Variants in GALC observed in about 807,000 individuals in gnomAD.
GALC encodes galactosylceramidase.
In GALC, 77 loss-of-function variants were observed where a neutral mutation model predicts 91.8. The ratio of observed to expected loss-of-function variants is 0.84; its 90% CI spans 0.70 to 1.01. The LOEUF (loss-of-function observed/expected upper bound fraction) is 1.01. Among genes scored for constraint, GALC ranks in the 50% least tolerant of loss-of-function variants. The pLI is 0.00. For missense variants in GALC, 882 were observed against 855.9 expected (o/e 1.03, Z -0.38); for synonymous variants, 357 against 306.7 (o/e 1.16, Z -1.71).
chr14:87,956,623 A>G (rs1885570516), intron 10 of GALC, among the ~76,000 whole-genome samples: 1 of 56,356 alleles, frequency 1.8e-5, no homozygotes, highest in Non-Finnish European at 3.6e-5. Flanking sequence ...CACACACACC[A>G]TATATATATG....
intron 14 of GALC, 123 bp downstream of exon 14, chr14:87,945,430 C>A: frequency 1.3e-6 from 1 of 784,710 alleles, no homozygotes; most frequent in South Asian, 1.4e-5. Flanking sequence ...CTTAATATTA[C>A]ATATTACACA....
At position 87,955,138 on chromosome 14, in the gene GALC, C is replaced by A; in HGVS notation, c.1162-4390G>T. On this transcript the variant is annotated intron_variant, in intron 10 of 16. Coordinates refer to ENST00000261304, the MANE Select transcript of GALC (RefSeq NM_000153.4). The stretch of plus-strand genomic sequence containing the variant: ...AGATGAAAGCAGCTATCCATTACAA[C>A]AAGATTTCTCCCTCCTGGATTTTTA... 7.5e-6 allele frequency: 10 copies of A among 1,334,140 alleles called. No homozygotes were observed. The South Asian group carries it at 1.2e-4, about 16-fold the overall frequency. The allele number at this position is 1,334,140 out of a possible 1,614,324, so 82.6% of individuals were successfully genotyped here.
At chr14:87,951,182 T>C (rs561087216) in intron 10 of GALC, among the ~76,000 whole-genome samples, 16 of 151,894 alleles carry the variant, frequency 1.1e-4, no homozygotes, top group South Asian at 4.1e-4. Flanking sequence ...GTATATATAG[T>C]ATATATAGAT....
chr14:87,973,354 G>A (rs1322194473), intron 7 of GALC, among the ~76,000 whole-genome samples: 1 of 146,890 alleles, frequency 6.8e-6, no homozygotes, highest in Non-Finnish European at 1.5e-5. Context: ...ATGGTAGAGT[G>A]AGATTAAAAG....
At chr14:87,939,101 T>C (rs1454399103) in intron 16 of GALC, among the ~76,000 whole-genome samples, 5 of 151,926 alleles carry the variant, frequency 3.3e-5, no homozygotes, top group Admixed American at 3.3e-4. Context: ...AATTCAATAA[T>C]AGTGAATATT....
At chr14:87,988,611 C>A in intron 1 of GALC, 88 bp from the exon 2 acceptor site, 1 of 959,370 alleles carries the variant, frequency 1.0e-6, no homozygotes, top group Non-Finnish European at 1.7e-6. Flanking sequence ...ACCTGGTATA[C>A]ACATATTTAG....
intron 6 of GALC, chr14:87,976,842 C>A: frequency 3.4e-6 from 1 of 291,384 alleles, no homozygotes; most frequent in Non-Finnish European, 6.8e-6. Context: ...TCTTGAACTC[C>A]TGACCTCATG....
intron 10 of GALC, chr14:87,954,997 G>C (rs1188240472): frequency 5.7e-6 from 8 of 1,395,344 alleles, no homozygotes; most frequent in African/African-American, 5.7e-5. Flanking sequence ...CCTCAACAGA[G>C]TGATAGTTAC....
In GALC at chr14:87,934,353, T is replaced by TACATCTC; in HGVS notation, c.*372_*378dup. The TACATCTC allele has an allele frequency of 2.7e-5, 34 of 1,266,880 alleles. No homozygotes were observed. The highest frequency in any genetic ancestry group is 3.4e-5 in the Non-Finnish European group (34 of 997,566). The allele number at this position is 1,266,880 out of a possible 1,614,324, so 78.5% of individuals were successfully genotyped here. A position where few individuals can be genotyped will look rare whatever the true frequency, so the allele number is the denominator to read the frequency against. ...TGGACACACGGTCAGCATGCATAAA[T>TACATCTC]ACATCTCAGTGATGATCAAGTTACT... is the stretch of plus-strand genomic sequence containing the variant. On this transcript the variant is annotated 3_prime_UTR_variant, in exon 17 of 17. Coordinates refer to ENST00000261304, the MANE Select transcript of GALC (RefSeq NM_000153.4).
intron 3 of GALC, chr14:87,986,873 C>A: frequency 2.1e-6 from 1 of 466,192 alleles, no homozygotes; most frequent in South Asian, 2.0e-5. Context: ...AATGTTATCA[C>A]CTCATATAAC....
At chr14:87,938,131 G>A (rs936656154) in intron 16 of GALC, among the ~76,000 whole-genome samples, 2 of 151,852 alleles carry the variant, frequency 1.3e-5, no homozygotes, top group East Asian at 1.9e-4. Flanking sequence ...AGTATTATTC[G>A]GACTCTTGCT....
chr14:87,964,532 T>C (rs1475441473), intron 9 of GALC, among the ~76,000 whole-genome samples: 1 of 152,146 alleles, frequency 6.6e-6, no homozygotes, highest in East Asian at 1.9e-4. Flanking sequence ...TAAAATATAA[T>C]CACTATTAGT....
intron 1 of GALC, among the ~76,000 whole-genome samples, chr14:87,990,103 G>A (rs71423502): frequency 0.015 from 2,258 of 152,112 alleles, 42 homozygotes; most frequent in Non-Finnish European, 0.017. Flanking sequence ...CTCTCCTTTG[G>A]CACCAGGTCC....
At chr14:87,981,048 A>G (rs1001342236) in intron 6 of GALC, among the ~76,000 whole-genome samples, 1 of 152,212 alleles carries the variant, frequency 6.6e-6, no homozygotes, top group African/African-American at 2.4e-5. Flanking sequence ...AAATATGGAA[A>G]TAGCCCAAAA....
At chr14:87,985,527 G>C (rs2139752361) in intron 4 of GALC, among the ~76,000 whole-genome samples, 1 of 152,270 alleles carries the variant, frequency 6.6e-6, no homozygotes, top group East Asian at 1.9e-4. Flanking sequence ...TGAATTCAGT[G>C]ATGCTTTTAC....
At chr14:87,972,373 A>G (rs1220130463) in intron 7 of GALC, among the ~76,000 whole-genome samples, 7 of 152,180 alleles carry the variant, frequency 4.6e-5, no homozygotes, top group Admixed American at 4.6e-4. Context: ...CTTTAAGGCA[A>G]AAAGAGAGCT....
At chr14:87,955,014 A>G (rs1885464779) in intron 10 of GALC, 1 of 1,370,826 alleles carries the variant, frequency 7.3e-7, no homozygotes, top group African/African-American at 1.4e-5. Context: ...TTACTTCCTC[A>G]GAGATCACCT....
At position 87,950,696 on chromosome 14, in the gene GALC, G is replaced by T; in HGVS notation, c.1214C>A (p.Ser405Ter). 1.9e-6 allele frequency: 3 copies of T among 1,607,900 alleles called. No individual in the cohort carries two copies. The highest frequency in any genetic ancestry group is 1.1e-5 in the South Asian group (1 of 90,796). Reference protein sequence around the residue: ...IRPFLPYFNVSQQFATFVLKG... With the variant: ...IRPFLPYFNV ...AAGAACAAAGGTGGCAAATTGTTGT[G>T]ACACATTGAAATAAGGAAGAAATGG... is the stretch of plus-strand genomic sequence containing the variant. The change falls in exon 11 of 17, where the codon TCA becomes TAA. Residue 405 changes from serine to a stop codon, truncating the protein, a stop_gained. Coordinates refer to ENST00000261304, the MANE Select transcript of GALC (RefSeq NM_000153.4). LOFTEE classifies it high-confidence loss of function.
upstream of GALC, chr14:87,993,392 C>A (rs139870495): frequency 2.6e-6 from 4 of 1,535,884 alleles, no homozygotes; most frequent in East Asian, 9.7e-5. Flanking sequence ...CTGCTGGCTT[C>A]TCTTCCGGCG....
Sources: gnomAD v4.1 joint callset for allele counts (sites outside exome capture counted in the v4.1 genomes callset) on GRCh38, gnomAD v4.1.1 for gene constraint, MANE v1.5 for transcripts, NCBI Gene and HGNC (gene_info 2026-07-23, HGNC 2026-07-21) for gene names.